SAMMSON: variants seen among roughly 807,000 people sequenced by gnomAD.
The protein encoded by SAMMSON is long intergenic non-protein coding RNA 1212.
At chr3:70,142,947 C>G (rs1283205008) in intron 4 of SAMMSON, among the ~76,000 whole-genome samples, 1 of 152,112 alleles carries the variant, frequency 6.6e-6, no homozygotes, top group Non-Finnish European at 1.5e-5. Flanking sequence ...AGCCCTTCAT[C>G]TCATTAGAGG....
chr3:70,322,880 C>A (rs1702547801), intron 7 of SAMMSON, among the ~76,000 whole-genome samples: 1 of 152,068 alleles, frequency 6.6e-6, no homozygotes, highest in African/African-American at 2.4e-5. Context: ...CACACAGGAC[C>A]TACACAGGTA....
At chr3:70,179,023 TAAG>T (rs976573146) in intron 4 of SAMMSON, among the ~76,000 whole-genome samples, 15 of 151,904 alleles carry the variant, frequency 9.9e-5, no homozygotes, top group South Asian at 2.1e-4. Context: ...ATAATAATAA[TAAG>T]AAGAAGAACT....
intron 3 of SAMMSON, chr3:70,069,102 G>C (rs888634608): frequency 6.6e-6 from 1 of 152,018 alleles, no homozygotes; most frequent in African/African-American, 2.4e-5. Context: ...ACTGTGGTTA[G>C]GAACCCAGAG....
In SAMMSON at chr3:70,179,607, G is replaced by A. The variant is rs1576145502; in HGVS notation, n.508-69500G>A. ...AAAGCCAGTAAGTTTCTTTATGGCA[G>A]AGGTGGGTCTTAACACTAGGATCTT... On this transcript the variant is annotated intron_variant and non_coding_transcript_variant, in intron 4 of 9. Transcript: ENST00000642114. 3.3e-5 allele frequency among the ~76,000 whole-genome samples: 5 copies of A among 152,232 alleles called. No homozygotes were observed. In the South Asian group the frequency reaches 1.0e-3, roughly 32 times the overall value.
intron 1 of SAMMSON, among the ~76,000 whole-genome samples, chr3:70,006,039 C>T (rs372248525): frequency 5.3e-5 from 8 of 152,276 alleles, no homozygotes; most frequent in African/African-American, 1.9e-4. Context: ...AACTAGTTGA[C>T]AGAGCTGATT....
At chr3:70,024,987 A>G (rs2067031781) in intron 3 of SAMMSON, 1 of 152,154 alleles carries the variant, frequency 6.6e-6, no homozygotes, top group Non-Finnish European at 1.5e-5. Context: ...TTCTTGGTGA[A>G]AGGGGAGAAG....
intron 3 of SAMMSON, among the ~76,000 whole-genome samples, chr3:70,053,574 C>T (rs541534537): frequency 8.5e-5 from 13 of 152,224 alleles, no homozygotes; most frequent in South Asian, 4.1e-4. Flanking sequence ...GAGACTGACA[C>T]GTGCTAATTT....
rs187743298 is a variant in SAMMSON, at chr3:70,321,079, T to G, written n.739+29836T>G. Among the ~76,000 whole-genome samples, 83 of 152,184 alleles carry G rather than the reference T, an allele frequency of 5.5e-4. 1 individual carries two copies. The highest frequency in any genetic ancestry group is 4.1e-3 in the Admixed American group (63 of 15,250). The stretch of plus-strand genomic sequence containing the variant: ...TATGAGTGATTTTTGATTTTGCAAC[T>G]TTATTGAAGTATAATTGGAGTAGAA... On this transcript the variant is annotated intron_variant and non_coding_transcript_variant, in intron 7 of 9. Transcript: ENST00000642114.
At position 70,215,691 on chromosome 3, in the gene SAMMSON, GT is replaced by G. The variant is rs200336321; in HGVS notation, n.508-33414del. On this transcript the variant is annotated intron_variant and non_coding_transcript_variant, in intron 4 of 9. Transcript: ENST00000642114. ...TGGATGTATTTCTCCTCTCCTTTCT[GT>G]TGTGAACTCCTTGAGGAAATACATA... Among the ~76,000 whole-genome samples, 3 of 152,060 alleles carry G rather than the reference GT, an allele frequency of 2.0e-5. No homozygotes were observed. The East Asian group carries it at 5.8e-4, about 29-fold the overall frequency.
At chr3:70,330,348 C>G (rs889529448) in intron 7 of SAMMSON, among the ~76,000 whole-genome samples, 1 of 151,868 alleles carries the variant, frequency 6.6e-6, no homozygotes, top group Non-Finnish European at 1.5e-5. Context: ...GAGAACATAT[C>G]AGTAATCTGA....
chr3:70,115,220 A>T (rs529576868), intron 4 of SAMMSON, among the ~76,000 whole-genome samples: 9 of 151,046 alleles, frequency 6.0e-5, no homozygotes, highest in African/African-American at 2.2e-4. Context: ...CAAAAAAAAA[A>T]AAAAAAGAAA....
chr3:70,190,639 G>T (rs530429265), intron 4 of SAMMSON, among the ~76,000 whole-genome samples: 81 of 152,276 alleles, frequency 5.3e-4, no homozygotes, highest in African/African-American at 1.8e-3. Flanking sequence ...TTTATTCACA[G>T]AATTACTTAT....
intron 8 of SAMMSON, among the ~76,000 whole-genome samples, chr3:70,355,412 A>G (rs1702822354): frequency 6.6e-6 from 1 of 152,204 alleles, no homozygotes; most frequent in African/African-American, 2.4e-5. Flanking sequence ...AACCAATTAG[A>G]ATCCTCATTC....
At chr3:70,369,193 G>T (rs576510805) in intron 9 of SAMMSON, among the ~76,000 whole-genome samples, 33 of 151,642 alleles carry the variant, frequency 2.2e-4, no homozygotes, top group Non-Finnish European at 3.4e-4. Flanking sequence ...ATATAGGAAA[G>T]CAATTGATTT....
intron 3 of SAMMSON, among the ~76,000 whole-genome samples, chr3:70,047,418 C>T (rs2067131131): frequency 6.7e-6 from 1 of 149,996 alleles, no homozygotes; most frequent in African/African-American, 2.5e-5. Flanking sequence ...CTCACTGCAA[C>T]CTCTGCCTCC....
chr3:70,138,003 A>G lies in SAMMSON; in HGVS notation n.507+66438A>G, dbSNP rs79264822. 1.8e-4 allele frequency among the ~76,000 whole-genome samples: 27 copies of G among 152,284 alleles called. 1 individual carries two copies. The East Asian group carries it at 5.2e-3, about 29-fold the overall frequency. On this transcript the variant is annotated intron_variant and non_coding_transcript_variant, in intron 4 of 9. Transcript: ENST00000642114. ...TGCTATTGTCATTATAAGCATTGGT[A>G]TCCTTATAAATATTTATTTCTAAGA...
intron 2 of SAMMSON, among the ~76,000 whole-genome samples, chr3:70,433,711 TA>T (rs376481910): frequency 6.6e-6 from 1 of 151,968 alleles, no homozygotes; most frequent in Non-Finnish European, 1.5e-5. Context: ...ATATTGTATC[TA>T]AAAAAAATCA....
At chr3:70,317,955 CT>C (rs1702507049) in intron 7 of SAMMSON, among the ~76,000 whole-genome samples, 1 of 151,578 alleles carries the variant, frequency 6.6e-6, no homozygotes, top group African/African-American at 2.4e-5. Context: ...TTTGTTCTCT[CT>C]CTTTCTCTTT....
At chr3:70,320,869 G>A (rs1702534335) in intron 7 of SAMMSON, among the ~76,000 whole-genome samples, 1 of 152,046 alleles carries the variant, frequency 6.6e-6, no homozygotes, top group African/African-American at 2.4e-5. Context: ...TGCATGTGAG[G>A]GAAAGCAAAG....
Sources: gnomAD v4.1 joint callset for allele counts (sites outside exome capture counted in the v4.1 genomes callset) on GRCh38, gnomAD v4.1.1 for gene constraint, MANE v1.5 for transcripts, NCBI Gene and HGNC (gene_info 2026-07-23, HGNC 2026-07-21) for gene names.